Variants in SLC5A4 observed in about 807,000 individuals in gnomAD.
SLC5A4 encodes probable glucose sensor protein SLC5A4.
A neutral mutation model predicts 70.3 loss-of-function variants in SLC5A4; 55 were observed. The ratio of observed to expected loss-of-function variants is 0.78; its 90% CI spans 0.63 to 0.98. SLC5A4 has a LOEUF of 0.98. Ranked by LOEUF, SLC5A4 falls within the 50% of genes least tolerant of loss-of-function variation. SLC5A4 has a pLI of 0.00. For missense variants in SLC5A4, 735 were observed against 839.2 expected, an observed-to-expected ratio of 0.88 and a Z score of 1.53; for synonymous variants, 268 against 305.7, an observed-to-expected ratio of 0.88 and a Z score of 1.29.
At chr22:32,219,630 C>CAAAAAAAAAAAAAAAAAAAAAAAAAAAAA in intron 14 of SLC5A4, among the ~76,000 whole-genome samples, 5 of 28,882 alleles carry the variant, frequency 1.7e-4, no homozygotes, top group African/African-American at 5.1e-4. Flanking sequence ...TCCAACTTAG[C>CAAAAAAAAAAAAAAAAAAAAAAAAAAAAA]AAAAAAAAAA....
the SLC5A4 span, among the ~76,000 whole-genome samples, chr22:32,300,373 T>A: frequency 6.6e-6 from 1 of 151,994 alleles, no homozygotes; most frequent in Non-Finnish European, 1.5e-5. Context: ...GCACCGTTTT[T>A]TAAACCAGTC....
At chr22:32,287,655 CT>C in the SLC5A4 span, among the ~76,000 whole-genome samples, 5 of 146,218 alleles carry the variant, frequency 3.4e-5, no homozygotes, top group Non-Finnish European at 7.5e-5. Flanking sequence ...TTTTCTTTTT[CT>C]TTTTTTTTCT....
At chr22:32,292,245 A>G in the SLC5A4 span, among the ~76,000 whole-genome samples, 48,512 of 101,172 alleles carry the variant, frequency 0.48, 14,947 homozygotes, top group Admixed American at 0.54. Flanking sequence ...TATATATAAT[A>G]TATACTAGAT....
chr22:32,300,032 G>C, the SLC5A4 span, among the ~76,000 whole-genome samples: 1 of 144,146 alleles, frequency 6.9e-6, no homozygotes. Context: ...CCAGCTGCAT[G>C]CTGGGAGAAC....
Position 32,247,471 on chromosome 22 carries a change from C to G in SLC5A4, c.417G>C (p.Glu139Asp), listed in dbSNP as rs1569379984. ...GGATGGAGAGGTAGACCTGGAGTCG[C>G]TCCCCACCAAACCGCTTCTTGAGAT... ...PEYLKKRFGG[E>D]RLQVYLSILS... The change falls in exon 5 of 15, where the codon GAG (glutamate) becomes GAC (aspartate). Residue 139 changes from glutamate to aspartate, a missense_variant. Physicochemically the swap from Glu to Asp is conservative, Grantham distance 45. Transcript: ENST00000266086. 6.2e-7 allele frequency: 1 copy of G among 1,614,018 alleles called. No individual in the cohort carries two copies. The highest frequency in any genetic ancestry group is 1.7e-5 in the Admixed American group (1 of 60,020).
chr22:32,228,545 A>AG (rs1412418138), intron 11 of SLC5A4, among the ~76,000 whole-genome samples: 13 of 151,584 alleles, frequency 8.6e-5, no homozygotes, highest in South Asian at 8.3e-4. Flanking sequence ...TCTGTCTCAA[A>AG]AAAAAAAAAT....
the SLC5A4 span, among the ~76,000 whole-genome samples, chr22:32,304,246 C>T: frequency 6.6e-6 from 1 of 152,202 alleles, no homozygotes; most frequent in African/African-American, 2.4e-5. Context: ...CCTGCCTCAG[C>T]CTCCCAAATA....
the SLC5A4 span, among the ~76,000 whole-genome samples, chr22:32,309,907 C>A: frequency 6.7e-6 from 1 of 148,892 alleles, no homozygotes; most frequent in Non-Finnish European, 1.5e-5. Context: ...TGCTGGGTCT[C>A]GGTGATCTCT....
the SLC5A4 span, among the ~76,000 whole-genome samples, chr22:32,333,718 A>T: frequency 6.6e-6 from 1 of 152,022 alleles, no homozygotes; most frequent in African/African-American, 2.4e-5. Context: ...TGCCCAGGAC[A>T]GTAAACATCC....
the SLC5A4 span, among the ~76,000 whole-genome samples, chr22:32,276,152 T>C: frequency 6.6e-6 from 1 of 152,212 alleles, no homozygotes; most frequent in African/African-American, 2.4e-5. Flanking sequence ...TTATTTCCTT[T>C]CAAAAGCCAT....
chr22:32,269,229 A>C, the SLC5A4 span: 1 of 172,402 alleles, frequency 5.8e-6, no homozygotes, highest in Non-Finnish European at 1.2e-5. The surrounding 1 kb of genome is among the most constrained non-coding windows in gnomAD (Gnocchi z 4.1). Flanking sequence ...TCTACAGGAA[A>C]ATTTAAAATT....
At chr22:32,325,230 A>C in the SLC5A4 span, among the ~76,000 whole-genome samples, 8 of 152,236 alleles carry the variant, frequency 5.3e-5, no homozygotes, top group Non-Finnish European at 1.0e-4. Context: ...GGGGGCTCAG[A>C]ACTGAGTCAG....
At chr22:32,324,260 CAT>C in the SLC5A4 span, among the ~76,000 whole-genome samples, 2,579 of 130,224 alleles carry the variant, frequency 0.02, 84 homozygotes, top group African/African-American at 0.071. Flanking sequence ...TATATACACA[CAT>C]ATATGTATAT....
the SLC5A4 span, among the ~76,000 whole-genome samples, chr22:32,307,411 AGT>A: frequency 1.2e-4 from 18 of 152,158 alleles, no homozygotes; most frequent in South Asian, 1.2e-3. Context: ...TGTGAATCTG[AGT>A]GTGTCCGTTA....
the SLC5A4 span, among the ~76,000 whole-genome samples, chr22:32,309,856 A>G: frequency 6.7e-6 from 1 of 148,546 alleles, no homozygotes; most frequent in South Asian, 2.1e-4. Flanking sequence ...GGCTGGCTGC[A>G]CTCTGCACCT....
chr22:32,345,661 G>A, the SLC5A4 span, among the ~76,000 whole-genome samples: 1 of 152,028 alleles, frequency 6.6e-6, no homozygotes. Flanking sequence ...CAAATTAACT[G>A]CATCAAACTC....
the SLC5A4 span, among the ~76,000 whole-genome samples, chr22:32,261,333 C>T: frequency 6.6e-6 from 1 of 152,240 alleles, no homozygotes; most frequent in Non-Finnish European, 1.5e-5. Context: ...TCCTCCTGCC[C>T]CCTTCACAGG....
At chr22:32,269,074 G>A in the SLC5A4 span, among the ~76,000 whole-genome samples, 1 of 152,054 alleles carries the variant, frequency 6.6e-6, no homozygotes, top group Non-Finnish European at 1.5e-5. This position sits in a 1 kb window ranked among gnomAD's most constrained non-coding sequence, Gnocchi z 4.1. Flanking sequence ...TATATTTTTA[G>A]TAAACACAGG....
chr22:32,272,325 T>G, the SLC5A4 span: 1 of 827,050 alleles, frequency 1.2e-6, no homozygotes, highest in Non-Finnish European at 2.1e-6. Context: ...GACTGCCCTG[T>G]GCACTGCAAG....
Sources: gnomAD v4.1 joint callset for allele counts (sites outside exome capture counted in the v4.1 genomes callset) on GRCh38, gnomAD v4.1.1 for gene constraint, Gnocchi (gnomAD v3.1) non-coding constraint, MANE v1.5 for transcripts, NCBI Gene and HGNC (gene_info 2026-07-23, HGNC 2026-07-21) for gene names.